The following CEP68 variants were observed in gnomAD, a reference collection of about 807,000 sequenced individuals.
CEP68 encodes centrosomal protein of 68 kDa.
CEP68 carries 26 observed loss-of-function variants against 55.3 expected under a neutral mutation model. That is an observed-to-expected ratio of 0.47 (90% CI 0.34 to 0.65). CEP68 has a LOEUF of 0.65. CEP68 is among the 30% of genes least tolerant of loss of function. The probability of loss-of-function intolerance (pLI) is 0.01; values close to 1 mark genes in which losing one functional copy is unlikely to be tolerated. For missense variants in CEP68, 957 were observed against 946.7 expected (o/e 1.01, Z -0.14); for synonymous variants, 402 against 383.2 (o/e 1.05, Z -0.57).
At chr2:65,059,822 C>G (rs1026255367) in intron 1 of CEP68, among the ~76,000 whole-genome samples, 1 of 152,150 alleles carries the variant, frequency 6.6e-6, no homozygotes, top group Non-Finnish European at 1.5e-5. Flanking sequence ...TCTGCATTCC[C>G]AACGAGCTCT....
At chr2:65,080,990 C>T (rs1020457725) in intron 5 of CEP68, among the ~76,000 whole-genome samples, 22 of 152,008 alleles carry the variant, frequency 1.4e-4, no homozygotes, top group Non-Finnish European at 2.6e-4. Context: ...GCGGGTGGAT[C>T]ACCTGAGGTC....
chr2:65,069,770 C>CT lies in CEP68; in HGVS notation c.327dup (p.Gly110TrpfsTer39). On this transcript the variant is annotated frameshift_variant, in exon 2 of 7. Transcript: ENST00000377990. LOFTEE classifies it high-confidence loss of function. ...GGCCTGCCTCCTGCCACCATGGGGT[C>CT]TGGAGACCTTCTGCTCTCCGGGGAA... 6.2e-7 allele frequency: 1 copy of CT among 1,614,068 alleles called. No homozygotes were observed. Among genetic ancestry groups the CT allele is most frequent in the Non-Finnish European group, 8.5e-7 (1 of 1,180,030 alleles).
rs1323456473 is a variant in CEP68, at chr2:65,072,597, T to A, written c.1501T>A (p.Ser501Thr). ...TTCTAGCCTGGTTTCGTATCTAGGA[T>A]CCATTTCTACCTTGGTTACCCTGCC... ...QVSSLVSYLG[S>T]ISTLVTLPTG... Residue 501 changes from serine to threonine, a missense_variant, in exon 3 of 7, where the codon TCC (serine) becomes ACC (threonine). Physicochemically the swap from Ser to Thr is moderately conservative, Grantham distance 58 (BLOSUM62 1). Coordinates refer to ENST00000377990, the MANE Select transcript of CEP68 (RefSeq NM_015147.3). The A allele has an allele frequency of 8.1e-6, 13 of 1,613,794 alleles. No homozygotes were observed. The highest frequency in any genetic ancestry group is 1.7e-5 in the Admixed American group (1 of 59,976).
chr2:65,080,421 A>G (rs1676957383), intron 5 of CEP68: 2 of 985,310 alleles, frequency 2.0e-6, no homozygotes, highest in Non-Finnish European at 2.4e-6. Context: ...CGCCAGGAGC[A>G]TGCTGTCAAA....
intron 1 of CEP68, among the ~76,000 whole-genome samples, chr2:65,058,497 C>CT (rs34477880): frequency 0.3 from 22,350 of 75,488 alleles, 5,504 homozygotes; most frequent in African/African-American, 0.42. Context: ...GATTTTTTTC[C>CT]TTTTTTTTTT....
At chr2:65,066,188 C>T (rs1203919582) in intron 1 of CEP68, among the ~76,000 whole-genome samples, 3 of 152,030 alleles carry the variant, frequency 2.0e-5, no homozygotes, top group African/African-American at 4.8e-5. Flanking sequence ...GGAGGAAACC[C>T]GAGTATCCAG....
chr2:65,075,643 T>C (rs1291438681), intron 4 of CEP68, among the ~76,000 whole-genome samples: 1 of 151,800 alleles, frequency 6.6e-6, no homozygotes, highest in African/African-American at 2.4e-5. Context: ...AATTATATAG[T>C]TGTCATCCCT....
In CEP68 at chr2:65,056,945, C is replaced by A. The variant is rs115899669; in HGVS notation, c.-47+417C>A. Reference sequence around the variant, plus strand: ...CTCTCCCGGGCGTGGGCTGTTTACCCAGCTCCCCAGTCGGGGCTAATGCAG... The same window carrying A: ...CTCTCCCGGGCGTGGGCTGTTTACCAAGCTCCCCAGTCGGGGCTAATGCAG... On this transcript the variant is annotated intron_variant, in intron 1 of 6. Coordinates refer to ENST00000377990, the MANE Select transcript of CEP68 (RefSeq NM_015147.3). Among the ~76,000 whole-genome samples the A allele has an allele frequency of 5.3e-3, 810 of 152,360 alleles. 9 individuals carry two copies. The highest frequency in any genetic ancestry group is 0.018 in the African/African-American group (760 of 41,590).
At chr2:65,061,772 T>C (rs1675924835) in intron 1 of CEP68, among the ~76,000 whole-genome samples, 1 of 152,210 alleles carries the variant, frequency 6.6e-6, no homozygotes, top group African/African-American at 2.4e-5. Context: ...GAAGCAGGCC[T>C]CAGTCACCTT....
intron 1 of CEP68, among the ~76,000 whole-genome samples, chr2:65,061,449 G>A (rs1308310624): frequency 6.6e-6 from 1 of 152,242 alleles, no homozygotes; most frequent in East Asian, 1.9e-4. Flanking sequence ...GAGAAAAGAA[G>A]GGGCTCCCGG....
At chr2:65,082,731 G>A in intron 6 of CEP68, 22 bp downstream of exon 6, 1 of 1,520,098 alleles carries the variant, frequency 6.6e-7, no homozygotes, top group Non-Finnish European at 8.8e-7. Context: ...AACTCAAAAA[G>A]AAAATTTGCC....
Position 65,069,439 on chromosome 2 carries a change from G to A in CEP68, c.-6G>A. ...AGCAGAACCCTGACCTAGGTAGGGAGTCTCAATGGCCCTGGGTGAAGAAAA... is the reference window on the plus strand; with the variant it reads ...AGCAGAACCCTGACCTAGGTAGGGAATCTCAATGGCCCTGGGTGAAGAAAA... On this transcript the variant is annotated 5_prime_UTR_variant, in exon 2 of 7. Coordinates refer to ENST00000377990, the MANE Select transcript of CEP68 (RefSeq NM_015147.3). 8 of 1,503,948 alleles carry A rather than the reference G, an allele frequency of 5.3e-6. No homozygotes were observed. The highest frequency in any genetic ancestry group is 7.1e-6 in the Non-Finnish European group (8 of 1,124,840). The allele number at this position is 1,503,948 out of a possible 1,614,324, so 93.2% of individuals were successfully genotyped here.
At chr2:65,063,343 G>A (rs1383895343) in intron 1 of CEP68, among the ~76,000 whole-genome samples, 1 of 152,212 alleles carries the variant, frequency 6.6e-6, no homozygotes, top group African/African-American at 2.4e-5. Context: ...TTCACTGTCT[G>A]TGCTCTGATG....
Position 65,077,978 on chromosome 2 carries a change from G to A in CEP68, c.2104+14G>A. On this transcript the variant is annotated intron_variant, in intron 5 of 6. Transcript: ENST00000377990. ...AGAACACCCCAGGTGAGATGCTTAA[G>A]GTTTTGGATTTAGCCAGAGCTTAAT... 1.2e-6 allele frequency: 2 copies of A among 1,603,414 alleles called. No homozygotes were observed. Among genetic ancestry groups the A allele is most frequent in the Non-Finnish European group, 1.7e-6 (2 of 1,171,148 alleles).
intron 1 of CEP68, among the ~76,000 whole-genome samples, chr2:65,057,135 C>T (rs1037004124): frequency 1.3e-5 from 2 of 152,230 alleles, no homozygotes; most frequent in African/African-American, 4.8e-5. Context: ...GGACGAATGT[C>T]CAAAACCTGT....
chr2:65,069,607 G>A lies in CEP68; in HGVS notation c.163G>A (p.Val55Ile), dbSNP rs755033902. ...LEAEGGLISPVWGAEGIPAPT... is the reference protein window; with the variant it reads ...LEAEGGLISPIWGAEGIPAPT... ...AGCTGAGGGAGGGCTCATCTCCCCT[G>A]TATGGGGGGCAGAAGGGATACCTGC... The change falls in exon 2 of 7, where the codon GTA becomes ATA. Residue 55 changes from valine to isoleucine, a missense_variant. Physicochemically the swap from Val to Ile is conservative, Grantham distance 29. Coordinates refer to ENST00000377990, the MANE Select transcript of CEP68 (RefSeq NM_015147.3). 2.5e-6 allele frequency: 4 copies of A among 1,614,126 alleles called. No individual in the cohort carries two copies. The South Asian group carries it at 3.3e-5, about 13-fold the overall frequency.
At chr2:65,081,853 C>T (rs749016651) in intron 5 of CEP68, among the ~76,000 whole-genome samples, 1 of 152,220 alleles carries the variant, frequency 6.6e-6, no homozygotes, top group Non-Finnish European at 1.5e-5. Flanking sequence ...CGCCACCACA[C>T]CCGGCTAATT....
intron 4 of CEP68, among the ~76,000 whole-genome samples, chr2:65,075,977 TTGACC>T (rs758916155): frequency 5.3e-5 from 8 of 151,904 alleles, no homozygotes; most frequent in Admixed American, 3.9e-4. Context: ...GGAGCCTTGC[TTGACC>T]TGGGCAGGCT....
At chr2:65,066,745 A>AAAAAAAAT (rs70943620) in intron 1 of CEP68, among the ~76,000 whole-genome samples, 2 of 58,406 alleles carry the variant, frequency 3.4e-5, no homozygotes, top group African/African-American at 8.8e-5. Context: ...AAAAAAAAAA[A>AAAAAAAAT]ATATATATAT....
Sources: allele counts gnomAD v4.1 joint callset (sites outside exome capture counted in the v4.1 genomes callset), GRCh38; gene constraint gnomAD v4.1.1; transcripts MANE v1.5; gene names NCBI Gene and HGNC (gene_info 2026-07-23, HGNC 2026-07-21).